The following ZNF341 variants were observed in gnomAD, a reference collection of about 807,000 sequenced individuals.
ZNF341 encodes zinc finger protein 341.
ZNF341 carries 52 observed loss-of-function variants against 87.7 expected under a neutral mutation model. That is an observed-to-expected ratio of 0.59 (90% CI 0.47 to 0.75). The LOEUF is 0.75. ZNF341 is among the 30% of genes least tolerant of loss of function. The probability of loss-of-function intolerance (pLI) is 0.00; values close to 1 mark genes in which losing one functional copy is unlikely to be tolerated. For synonymous variants in ZNF341, 459 were observed against 472.7 expected (o/e 0.97, Z 0.38); for missense variants, 977 against 1,145.9 (o/e 0.85, Z 2.13).
At chr20:33,755,649 A>G (rs1404188647) in intron 5 of ZNF341, among the ~76,000 whole-genome samples, 2 of 146,236 alleles carry the variant, frequency 1.4e-5, no homozygotes, top group Admixed American at 6.9e-5. Context: ...CTGGAGTGCA[A>G]TGGCATGATC....
chr20:33,773,387 G>C (rs537397541), intron 10 of ZNF341, among the ~76,000 whole-genome samples: 1 of 152,146 alleles, frequency 6.6e-6, no homozygotes, highest in African/African-American at 2.4e-5. Context: ...TGGAGCTGTT[G>C]TCCTGTCCCA....
intron 5 of ZNF341, among the ~76,000 whole-genome samples, chr20:33,754,386 C>T (rs1231644576): frequency 2.6e-5 from 4 of 152,124 alleles, no homozygotes; most frequent in Non-Finnish European, 5.9e-5. Flanking sequence ...AACAACCCAC[C>T]TGCACTAGAA....
At chr20:33,769,752 A>C (rs906503081) in intron 9 of ZNF341, among the ~76,000 whole-genome samples, 1 of 152,160 alleles carries the variant, frequency 6.6e-6, no homozygotes, top group African/African-American at 2.4e-5. Context: ...CTCTACTAAA[A>C]ATACAAAAAT....
intron 1 of ZNF341, among the ~76,000 whole-genome samples, chr20:33,738,279 A>T (rs1292658992): frequency 6.6e-6 from 1 of 152,182 alleles, no homozygotes; most frequent in Non-Finnish European, 1.5e-5. Flanking sequence ...TCTCAAAATA[A>T]TAATAATGAT....
At chr20:33,777,322 C>CAAA (rs71192713) in intron 10 of ZNF341, among the ~76,000 whole-genome samples, 342 of 32,652 alleles carry the variant, frequency 0.01, 29 homozygotes, top group African/African-American at 0.032. Flanking sequence ...GACCCTATCT[C>CAAA]AAAAAAAAAA....
intron 10 of ZNF341, among the ~76,000 whole-genome samples, chr20:33,771,538 G>A (rs2122708295): frequency 6.6e-6 from 1 of 152,102 alleles, no homozygotes; most frequent in Middle Eastern, 3.4e-3. Flanking sequence ...GAGCCACTGT[G>A]CCCAGCCTAT....
At chr20:33,757,090 C>A in intron 5 of ZNF341, 58 bp from the exon 6 acceptor site, 1 of 1,336,820 alleles carries the variant, frequency 7.5e-7, no homozygotes, top group East Asian at 2.8e-5. Flanking sequence ...GTGCCCCTGG[C>A]TGGGAGCTCT....
intron 10 of ZNF341, among the ~76,000 whole-genome samples, chr20:33,777,316 C>T (rs2019647600): frequency 4.0e-5 from 4 of 99,164 alleles, no homozygotes; most frequent in Non-Finnish European, 5.5e-5. Flanking sequence ...GAGTGAGACC[C>T]TATCTCAAAA....
intron 7 of ZNF341, among the ~76,000 whole-genome samples, chr20:33,761,514 T>G (rs1198944539): frequency 1.3e-5 from 2 of 152,206 alleles, no homozygotes; most frequent in African/African-American, 2.4e-5. Flanking sequence ...TCCACCTGCC[T>G]TGGCCTCCCA....
intron 8 of ZNF341, among the ~76,000 whole-genome samples, chr20:33,766,524 G>A (rs1169446092): frequency 6.6e-6 from 1 of 152,142 alleles, no homozygotes; most frequent in East Asian, 1.9e-4. Context: ...AGGGGACTGG[G>A]GAGGCATTAG....
At chr20:33,787,204 G>A (rs951576746) in intron 12 of ZNF341, 1 of 149,876 alleles carries the variant, frequency 6.7e-6, no homozygotes, top group African/African-American at 2.5e-5. Context: ...GGGCTTTTTT[G>A]GGGTGTGCAG....
At position 33,783,737 on chromosome 20, in the gene ZNF341, T is replaced by G; in HGVS notation, c.1725T>G (p.Phe575Leu). 1 of 1,613,758 alleles carries G rather than the reference T, an allele frequency of 6.2e-7. No individual in the cohort carries two copies. Among genetic ancestry groups the G allele is most frequent in the Non-Finnish European group, 8.5e-7 (1 of 1,179,850 alleles). The change falls in exon 12 of 15, where the codon TTT (phenylalanine) becomes TTG (leucine). Residue 575 changes from phenylalanine to leucine, a missense_variant. Phe to Leu is a conservative substitution (Grantham distance 22). This residue lies in a region of ZNF341 where 241 missense variants were observed against 335.0 expected (regional missense o/e 0.72). Transcript: ENST00000375200. ...AGGCCCCTCTTCTCTCCCAGGTGTT[T>G]CCTTGTGAACGCTACCTGCGGCGTC... Reference protein sequence around the residue: ...NFPCPHCQKVFPCERYLRRHL... With the variant: ...NFPCPHCQKVLPCERYLRRHL...
At chr20:33,773,747 G>C (rs1447776362) in intron 10 of ZNF341, among the ~76,000 whole-genome samples, 1 of 152,146 alleles carries the variant, frequency 6.6e-6, no homozygotes, top group Non-Finnish European at 1.5e-5. Context: ...GCTGCATGCA[G>C]TAGAAACCTC....
intron 13 of ZNF341, 102 bp from the exon 14 acceptor site, chr20:33,789,416 A>C: frequency 1.7e-6 from 2 of 1,204,552 alleles, no homozygotes; most frequent in Non-Finnish European, 1.2e-6. Context: ...CCCAGCCCTT[A>C]GGGTGGACAA....
At chr20:33,752,652 CT>C (rs956277736) in intron 4 of ZNF341, 11,978 of 174,930 alleles carry the variant, frequency 0.068, 69 homozygotes, top group South Asian at 0.12. Flanking sequence ...ATTTTCTTTT[CT>C]TTTTTTTTTT....
chr20:33,752,447 T>C (rs2019079337), intron 4 of ZNF341: 11 of 589,988 alleles, frequency 1.9e-5, no homozygotes, highest in South Asian at 1.6e-4. Flanking sequence ...ACTCCATGGA[T>C]GCACTTGTGA....
chr20:33,732,190 G>A lies in ZNF341; in HGVS notation c.31+138G>A. ...GGGCTGGAACAGCCGCGGGGCGGGAGGGGCGCGGGCGGGAACAGCGCGGGA... is the reference window on the plus strand; with the variant it reads ...GGGCTGGAACAGCCGCGGGGCGGGAAGGGCGCGGGCGGGAACAGCGCGGGA... On this transcript the variant is annotated intron_variant, in intron 1 of 14. Transcript: ENST00000375200. The surrounding 1 kb of genome is among the most constrained non-coding windows in gnomAD (Gnocchi z 4.5). 1 of 670,778 alleles carries A rather than the reference G, an allele frequency of 1.5e-6. No individual in the cohort carries two copies. Among genetic ancestry groups the A allele is most frequent in the Non-Finnish European group, 1.8e-6 (1 of 543,116 alleles). The allele number at this position is 670,778 out of a possible 1,614,324, so 41.6% of individuals were successfully genotyped here.
intron 6 of ZNF341, among the ~76,000 whole-genome samples, chr20:33,757,581 GTCTT>G (rs2019205802): frequency 6.6e-6 from 1 of 152,210 alleles, no homozygotes; most frequent in African/African-American, 2.4e-5. Flanking sequence ...CGTTTCTTCT[GTCTT>G]TCTGTTTCCA....
intron 9 of ZNF341, among the ~76,000 whole-genome samples, chr20:33,767,720 A>G (rs1453036977): frequency 1.3e-5 from 2 of 152,236 alleles, no homozygotes; most frequent in African/African-American, 2.4e-5. Flanking sequence ...CATGTGCTCT[A>G]TCATTTGACA....
Sources: gnomAD v4.1 joint callset for allele counts (sites outside exome capture counted in the v4.1 genomes callset) on GRCh38, gnomAD v4.1.1 for gene constraint, gnomAD v4.1.1 regional missense constraint, Gnocchi (gnomAD v3.1) non-coding constraint, MANE v1.5 for transcripts, NCBI Gene and HGNC (gene_info 2026-07-23, HGNC 2026-07-21) for gene names.